LRMDA: variants seen among roughly 807,000 people sequenced by gnomAD.
LRMDA encodes the protein leucine-rich melanocyte differentiation-associated protein.
A neutral mutation model predicts 29.8 loss-of-function variants in LRMDA; 18 were observed. The ratio of observed to expected loss-of-function variants is 0.60; its 90% CI spans 0.42 to 0.90. The LOEUF (loss-of-function observed/expected upper bound fraction) is 0.90, where lower values mean the gene tolerates loss of function less well. LRMDA is among the 40% of genes least tolerant of loss of function. The pLI, the probability that LRMDA is intolerant of heterozygous loss-of-function variation, is 0.00. For synonymous variants in LRMDA, 125 were observed against 109.4 expected (o/e 1.14, Z -0.89); for missense variants, 273 against 273.9 (o/e 1.00, Z 0.02).
At chr10:75,630,202 C>T (rs1841305270) in intron 2 of LRMDA, among the ~76,000 whole-genome samples, 1 of 152,180 alleles carries the variant, frequency 6.6e-6, no homozygotes, top group South Asian at 2.1e-4. Flanking sequence ...CTGGGTGGGC[C>T]ACTCTGTGGC....
chr10:76,180,335 G>T (rs542471301), intron 5 of LRMDA, among the ~76,000 whole-genome samples: 5 of 144,788 alleles, frequency 3.5e-5, no homozygotes, highest in Non-Finnish European at 7.5e-5. Context: ...ACCCCGGCTG[G>T]AGTGCAATGG....
chr10:76,175,262 T>C (rs1056942263), intron 5 of LRMDA, among the ~76,000 whole-genome samples: 2 of 152,150 alleles, frequency 1.3e-5, no homozygotes, highest in Non-Finnish European at 1.5e-5. Flanking sequence ...GAGCTGTGGG[T>C]CTGGATGAGG....
chr10:76,530,847 A>C lies in LRMDA; in HGVS notation c.602-26362A>C, dbSNP rs111851362. Reference sequence around the variant, plus strand: ...GTGTTCTGCACATAGAAGGTGATCAAATAAATAACTGATTCTGTGAAGGGC... The same window carrying C: ...GTGTTCTGCACATAGAAGGTGATCACATAAATAACTGATTCTGTGAAGGGC... On this transcript the variant is annotated intron_variant, in intron 6 of 6. Transcript: ENST00000611255. Among the ~76,000 whole-genome samples the C allele has an allele frequency of 3.4e-3, 521 of 152,318 alleles. 5 individuals carry two copies. The highest frequency in any genetic ancestry group is 0.012 in the African/African-American group (493 of 41,568).
chr10:76,255,720 G>A (rs987703418), intron 5 of LRMDA, among the ~76,000 whole-genome samples: 10 of 152,142 alleles, frequency 6.6e-5, no homozygotes, highest in East Asian at 1.9e-4. Flanking sequence ...AAATCATTCC[G>A]AAAGAAATAA....
chr10:76,452,802 A>G (rs1842419471), intron 6 of LRMDA, among the ~76,000 whole-genome samples: 1 of 152,202 alleles, frequency 6.6e-6, no homozygotes, highest in African/African-American at 2.4e-5. Context: ...ATACACTTGT[A>G]TATTCTTTCA....
At chr10:76,441,171 C>T (rs749370625) in intron 6 of LRMDA, among the ~76,000 whole-genome samples, 11 of 152,036 alleles carry the variant, frequency 7.2e-5, no homozygotes, top group Non-Finnish European at 1.5e-4. Context: ...TTGGGAAGGC[C>T]TCTCTCTCTT....
chr10:75,815,685 A>T (rs1406960146), intron 2 of LRMDA, among the ~76,000 whole-genome samples: 4 of 152,196 alleles, frequency 2.6e-5, no homozygotes. Context: ...CAGCCAACCC[A>T]CACTGGACAT....
chr10:75,565,809 T>C (rs1187338938), intron 2 of LRMDA, among the ~76,000 whole-genome samples: 2 of 152,226 alleles, frequency 1.3e-5, no homozygotes, highest in Non-Finnish European at 2.9e-5. Context: ...GCACAATGGC[T>C]CATGCCTGTA....
intron 2 of LRMDA, among the ~76,000 whole-genome samples, chr10:75,736,679 C>T (rs1842766340): frequency 6.6e-6 from 1 of 152,198 alleles, no homozygotes; most frequent in Non-Finnish European, 1.5e-5. Context: ...ATGCCAGCAG[C>T]AGCATCGGCT....
intron 6 of LRMDA, among the ~76,000 whole-genome samples, chr10:76,505,447 T>G (rs1490887294): frequency 2.0e-5 from 3 of 152,100 alleles, no homozygotes; most frequent in African/African-American, 7.2e-5. Context: ...CTCAGATGTT[T>G]TGTTCATTTT....
intron 2 of LRMDA, among the ~76,000 whole-genome samples, chr10:75,940,428 C>T (rs913854459): frequency 6.6e-6 from 1 of 152,072 alleles, no homozygotes; most frequent in Non-Finnish European, 1.5e-5. Context: ...GTGCCCTGGA[C>T]CCCATGTGTC....
intron 5 of LRMDA, among the ~76,000 whole-genome samples, chr10:76,117,796 A>G (rs1481211865): frequency 1.3e-5 from 2 of 152,202 alleles, no homozygotes; most frequent in Non-Finnish European, 2.9e-5. Context: ...TTACTGTAGT[A>G]TTCAGGATAT....
At chr10:75,554,118 C>G (rs2132056922) in intron 2 of LRMDA, among the ~76,000 whole-genome samples, 1 of 152,270 alleles carries the variant, frequency 6.6e-6, no homozygotes, top group East Asian at 1.9e-4. Context: ...ATTTGCCTTG[C>G]AACCTCAGCT....
intron 5 of LRMDA, among the ~76,000 whole-genome samples, chr10:76,185,337 G>C (rs1463946997): frequency 1.3e-5 from 2 of 152,186 alleles, no homozygotes; most frequent in African/African-American, 4.8e-5. Context: ...AGAAGAGCTT[G>C]TTTACATAAG....
chr10:76,279,640 G>C (rs1367019625), intron 5 of LRMDA, among the ~76,000 whole-genome samples: 1 of 150,170 alleles, frequency 6.7e-6, no homozygotes, highest in East Asian at 2.0e-4. Context: ...CTGCCTCCCG[G>C]GTTCAAGCGA....
intron 2 of LRMDA, among the ~76,000 whole-genome samples, chr10:75,624,434 G>A (rs1248552316): frequency 6.6e-6 from 1 of 152,166 alleles, no homozygotes; most frequent in African/African-American, 2.4e-5. Context: ...AGAGGTATCA[G>A]TCAGGCAGAT....
chr10:75,832,404 C>A (rs1163646065), intron 2 of LRMDA, among the ~76,000 whole-genome samples: 3 of 152,158 alleles, frequency 2.0e-5, no homozygotes, highest in Non-Finnish European at 4.4e-5. Flanking sequence ...CATCTGAGAC[C>A]ACCTCAGCCT....
chr10:75,709,388 C>CTG (rs1056603816), intron 2 of LRMDA, among the ~76,000 whole-genome samples: 2 of 150,206 alleles, frequency 1.3e-5, no homozygotes, highest in Admixed American at 6.7e-5. Context: ...GTATGTGTGC[C>CTG]TGTGTGTGTG....
At chr10:76,469,454 G>A (rs183854046) in intron 6 of LRMDA, among the ~76,000 whole-genome samples, 37 of 152,158 alleles carry the variant, frequency 2.4e-4, no homozygotes, top group African/African-American at 8.4e-4. Context: ...CAAGAATGAT[G>A]GGGTGGAGGG....
Sources: allele counts gnomAD v4.1 joint callset (sites outside exome capture counted in the v4.1 genomes callset), GRCh38; gene constraint gnomAD v4.1.1; transcripts MANE v1.5; gene names NCBI Gene and HGNC (gene_info 2026-07-23, HGNC 2026-07-21).